Variants in DYRK1B observed in about 807,000 individuals in gnomAD.
DYRK1B encodes dual specificity tyrosine-phosphorylation-regulated kinase 1B.
Under a neutral mutation model 57.1 loss-of-function variants are expected in DYRK1B, and 20 were observed. That is an observed-to-expected ratio of 0.35 (90% CI 0.25 to 0.51). DYRK1B has a LOEUF of 0.51. DYRK1B is among the 20% of genes least tolerant of loss of function. The pLI, the probability that DYRK1B is intolerant of heterozygous loss-of-function variation, is 0.96. For synonymous variants in DYRK1B, 409 were observed against 384.7 expected, an observed-to-expected ratio of 1.06 and a Z score of -0.74; for missense variants, 732 against 886.3, an observed-to-expected ratio of 0.83 and a Z score of 2.21.
Position 39,829,847 on chromosome 19 carries a change from G to T in DYRK1B, c.520+33C>A, listed in dbSNP as rs760478092. 4 of 1,607,014 alleles carry T rather than the reference G, an allele frequency of 2.5e-6. No individual in the cohort carries two copies. The South Asian group carries it at 4.4e-5, about 18-fold the overall frequency. On this transcript the variant is annotated intron_variant, in intron 5 of 10. Coordinates refer to ENST00000323039, the MANE Select transcript of DYRK1B (RefSeq NM_004714.3). ...ACTGGCTCCAGCTCCCGCTATCCCAGGTGCCCACAGCCCTGCCAGTCCCAG... is the reference window on the plus strand; with the variant it reads ...ACTGGCTCCAGCTCCCGCTATCCCATGTGCCCACAGCCCTGCCAGTCCCAG...
chr19:39,834,006 C>G lies in DYRK1B; in HGVS notation c.-102+17G>C, dbSNP rs1968958815. The G allele has an allele frequency of 6.4e-6, 1 of 156,676 alleles. No homozygotes were observed. Among genetic ancestry groups the G allele is most frequent in the Admixed American group, 6.4e-5 (1 of 15,698 alleles). The allele number at this position is 156,676 out of a possible 1,614,324, so 9.7% of individuals were successfully genotyped here. ...CCCTGCGACCGCTTGCCGCCCCACCCGTCCCCGCGCCGTTACCTGAAGGAG... is the reference window on the plus strand; with the variant it reads ...CCCTGCGACCGCTTGCCGCCCCACCGGTCCCCGCGCCGTTACCTGAAGGAG... On this transcript the variant is annotated intron_variant, in intron 1 of 10. Coordinates refer to ENST00000323039, the MANE Select transcript of DYRK1B (RefSeq NM_004714.3).
intron 1 of DYRK1B, chr19:39,833,433 G>A (rs1599650174): frequency 1.5e-5 from 13 of 839,794 alleles, no homozygotes; most frequent in South Asian, 5.4e-5. Flanking sequence ...CAGGAGGCCC[G>A]GTGGGTGACA....
Position 39,830,793 on chromosome 19 carries a change from A to G in DYRK1B, c.64-10T>C. On this transcript the variant is annotated splice_polypyrimidine_tract_variant and intron_variant, in intron 2 of 10. Transcript: ENST00000323039. ...GCACATCAGGCAATACCTGCAGGGC[A>G]GGGTGAGGGGTGGGCACTGAGGACG... 1.2e-6 allele frequency: 2 copies of G among 1,609,266 alleles called. No individual in the cohort carries two copies. The highest frequency in any genetic ancestry group is 1.7e-6 in the Non-Finnish European group (2 of 1,177,460).
At chr19:39,829,334 C>T (rs998239763) in intron 5 of DYRK1B, among the ~76,000 whole-genome samples, 1 of 151,770 alleles carries the variant, frequency 6.6e-6, no homozygotes, top group South Asian at 2.1e-4. Flanking sequence ...TCAAGCGATT[C>T]TCCTGCCTCA....
chr19:39,830,933 A>T (rs970818062), intron 2 of DYRK1B, 150 bp from the exon 3 acceptor site: 1 of 939,178 alleles, frequency 1.1e-6, no homozygotes, highest in Non-Finnish European at 1.5e-6. Context: ...CCCAGGGCTG[A>T]GACTTTCTCT....
chr19:39,830,563 C>T lies in DYRK1B; in HGVS notation c.184G>A (p.Val62Ile). The change falls in exon 4 of 11, where the codon GTA (valine) becomes ATA (isoleucine). Residue 62 changes from valine (V) to isoleucine (I), a missense_variant and splice_region_variant. This residue lies in a region of DYRK1B where 510 missense variants were observed against 681.3 expected (regional missense o/e 0.75). Transcript: ENST00000323039. ...LIKTYKHINE[V>I]YYAKKKRRAQ... ...CGCCGCTTCTTCTTCGCATAGTATA[C>T]CTGCCCAGCCAGCCAGCCAGGAGAT... 1 of 1,614,092 alleles carries T rather than the reference C, an allele frequency of 6.2e-7. No homozygotes were observed. The highest frequency in any genetic ancestry group is 8.5e-7 in the Non-Finnish European group (1 of 1,179,998).
At position 39,826,129 on chromosome 19, in the gene DYRK1B, C is replaced by CT; in HGVS notation, c.1519-44dup. Reference sequence around the variant, plus strand: ...CCATGGGTGATGGAGACCCTGGTCTCTAAGCCCCAGGCACCACCACCCACC... The same window carrying CT: ...CCATGGGTGATGGAGACCCTGGTCTCTTAAGCCCCAGGCACCACCACCCACC... On this transcript the variant is annotated intron_variant, in intron 10 of 10. Transcript: ENST00000323039. The surrounding 1 kb of genome is among the most constrained non-coding windows in gnomAD (Gnocchi z 6.3). 1 of 1,563,186 alleles carries CT rather than the reference C, an allele frequency of 6.4e-7. No homozygotes were observed. The highest frequency in any genetic ancestry group is 1.7e-4 in the Middle Eastern group (1 of 5,756).
chr19:39,830,726 T>C lies in DYRK1B; in HGVS notation c.121A>G (p.Thr41Ala). 1 of 1,613,862 alleles carries C rather than the reference T, an allele frequency of 6.2e-7. No individual in the cohort carries two copies. The highest frequency in any genetic ancestry group is 8.5e-7 in the Non-Finnish European group (1 of 1,179,942). The change falls in exon 3 of 11, where the codon ACC becomes GCC. Residue 41 changes from threonine (T) to alanine (A), a missense_variant. By Grantham distance (58) the Thr-to-Ala change is moderately conservative (BLOSUM62 0). Transcript: ENST00000323039. ...GAGAGCTTACGCAGCGGGGCTGAGG[T>C]TGCATCCCGGAAGGCCAGGGGCAGC... The part of the protein sequence containing the change: ...RRLPLAFRDA[T>A]SAPLRKLSVD...
chr19:39,830,668 T>C lies in DYRK1B; in HGVS notation c.179A>G (p.Asn60Ser), dbSNP rs768717702. Residue 60 changes from asparagine (N) to serine (S), a missense_variant, in exon 3 of 11, where the codon AAT becomes AGT. Physicochemically the swap from Asn to Ser is conservative, Grantham distance 46. This residue lies in a region of DYRK1B where 510 missense variants were observed against 681.3 expected (regional missense o/e 0.75). Coordinates refer to ENST00000323039, the MANE Select transcript of DYRK1B (RefSeq NM_004714.3). ...VDLIKTYKHI[N>S]EVYYAKKKRR... Reference sequence around the variant, plus strand: ...GATCCCCCAGCCCCTGCCCACCTCATTGATGTGCTTGTAGGTCTTGATGAG... The same window carrying C: ...GATCCCCCAGCCCCTGCCCACCTCACTGATGTGCTTGTAGGTCTTGATGAG... 8 of 1,613,868 alleles carry C rather than the reference T, an allele frequency of 5.0e-6. No individual in the cohort carries two copies. Among genetic ancestry groups the C allele is most frequent in the East Asian group, 2.2e-5 (1 of 44,870 alleles).
intron 6 of DYRK1B, among the ~76,000 whole-genome samples, 163 bp from the exon 7 acceptor site, chr19:39,827,819 G>C (rs754803810): frequency 4.6e-5 from 7 of 152,066 alleles, no homozygotes; most frequent in Non-Finnish European, 8.8e-5. Flanking sequence ...GGAGCCACTG[G>C]TGCCATCTTG....
chr19:39,828,625 C>A lies in DYRK1B; in HGVS notation c.521-42G>T. On this transcript the variant is annotated intron_variant, in intron 5 of 10. Transcript: ENST00000323039. This position sits in a 1 kb window ranked among gnomAD's most constrained non-coding sequence, Gnocchi z 4.3. ...GAAATGGGCCAGAGAAGAAACGGCT[C>A]AGAGAGGGCAGGTGGTGGCCTGGGG... The A allele has an allele frequency of 1.3e-6, 2 of 1,572,104 alleles. No homozygotes were observed. Among genetic ancestry groups the A allele is most frequent in the South Asian group, 2.3e-5 (2 of 85,162 alleles).
Position 39,831,900 on chromosome 19 carries a change from C to G in DYRK1B, c.-33G>C. On this transcript the variant is annotated 5_prime_UTR_variant, in exon 2 of 11. Coordinates refer to ENST00000323039, the MANE Select transcript of DYRK1B (RefSeq NM_004714.3). ...TCAGAGGGCCGCAGGGGAGCGAGGCCTGGAGCGGGAGCCCGGCCGGGGGGC... is the reference window on the plus strand; with the variant it reads ...TCAGAGGGCCGCAGGGGAGCGAGGCGTGGAGCGGGAGCCCGGCCGGGGGGC... The G allele has an allele frequency of 2.1e-6, 3 of 1,451,330 alleles. No homozygotes were observed. The highest frequency in any genetic ancestry group is 2.7e-6 in the Non-Finnish European group (3 of 1,099,172). 89.9% of individuals were successfully genotyped at this position (1,451,330 alleles called of 1,614,324 possible).
At position 39,825,676 on chromosome 19, in the gene DYRK1B, GGGTAT is replaced by G; in HGVS notation, c.*34_*38del. The G allele has an allele frequency of 6.5e-7, 1 of 1,527,750 alleles. No individual in the cohort carries two copies. 94.6% of individuals were successfully genotyped at this position (1,527,750 alleles called of 1,614,324 possible). A position where few individuals can be genotyped will look rare whatever the true frequency, so the allele number is the denominator to read the frequency against. The stretch of plus-strand genomic sequence containing the variant: ...GAGCCCAGGGCCCCCAGATGGGGGA[GGGTAT>G]GGCTTCAGGAGGGGCCCCAGGGAGG... On this transcript the variant is annotated 3_prime_UTR_variant, in exon 11 of 11. Transcript: ENST00000323039.
In DYRK1B at chr19:39,825,350, T is replaced by G; in HGVS notation, c.*365A>C. On this transcript the variant is annotated 3_prime_UTR_variant, in exon 11 of 11. Transcript: ENST00000323039. ...GGCCCTGCAAACGCTCAGGCAGGCATGTGAGAAAGCTCTTTACTGGGGGTA... is the reference window on the plus strand; with the variant it reads ...GGCCCTGCAAACGCTCAGGCAGGCAGGTGAGAAAGCTCTTTACTGGGGGTA... 3.0e-5 allele frequency: 6 copies of G among 201,864 alleles called. No homozygotes were observed. Among genetic ancestry groups the G allele is most frequent in the East Asian group, 1.3e-4 (1 of 7,522 alleles). The allele number at this position is 201,864 out of a possible 1,614,324, so 12.5% of individuals were successfully genotyped here.
Position 39,828,593 on chromosome 19 carries a change from AGG to A in DYRK1B, c.521-12_521-11del, listed in dbSNP as rs972244887. ...TGCCGCTTCAGGTGTACTGCGGGGG[AGG>A]GGAGGAAATGGGCCAGAGAAGAAAC... On this transcript the variant is annotated splice_polypyrimidine_tract_variant and intron_variant, in intron 5 of 10. Transcript: ENST00000323039. This position sits in a 1 kb window ranked among gnomAD's most constrained non-coding sequence, Gnocchi z 4.3. 1.2e-6 allele frequency: 2 copies of A among 1,600,080 alleles called. No homozygotes were observed. Among genetic ancestry groups the A allele is most frequent in the African/African-American group, 2.7e-5 (2 of 74,584 alleles).
At position 39,830,690 on chromosome 19, in the gene DYRK1B, T is replaced by C. The variant is rs1215533830; in HGVS notation, c.157A>G (p.Ile53Val). 1 of 1,614,108 alleles carries C rather than the reference T, an allele frequency of 6.2e-7. No individual in the cohort carries two copies. The highest frequency in any genetic ancestry group is 1.3e-5 in the African/African-American group (1 of 75,036). The change falls in exon 3 of 11, where the codon ATC becomes GTC. Residue 53 changes from isoleucine to valine, a missense_variant. Ile to Val is a conservative substitution (Grantham distance 29). Coordinates refer to ENST00000323039, the MANE Select transcript of DYRK1B (RefSeq NM_004714.3). ...APLRKLSVDL[I>V]KTYKHINEVY... ...TCATTGATGTGCTTGTAGGTCTTGATGAGGTCCACAGAGAGCTTACGCAGC... is the reference window on the plus strand; with the variant it reads ...TCATTGATGTGCTTGTAGGTCTTGACGAGGTCCACAGAGAGCTTACGCAGC...
intron 2 of DYRK1B, among the ~76,000 whole-genome samples, chr19:39,831,240 T>C (rs1004441956): frequency 6.6e-6 from 1 of 152,180 alleles, no homozygotes; most frequent in Non-Finnish European, 1.5e-5. Flanking sequence ...CCCAAGGCTC[T>C]TGGATCTGGA....
chr19:39,832,847 T>A (rs540729631), intron 1 of DYRK1B: 2 of 933,702 alleles, frequency 2.1e-6, no homozygotes, highest in Non-Finnish European at 2.6e-6. Flanking sequence ...CAAGGCCCAC[T>A]CCTCCTGATG....
chr19:39,827,014 G>GGGGCC, intron 8 of DYRK1B, 27 bp from the exon 9 acceptor site: 17 of 419,578 alleles, frequency 4.1e-5, no homozygotes, highest in Non-Finnish European at 6.0e-5. Context: ...GGGAGGGGGG[G>GGGGCC]CAAGAGAGTG....
Sources: gnomAD v4.1 joint callset for allele counts (sites outside exome capture counted in the v4.1 genomes callset) on GRCh38, gnomAD v4.1.1 for gene constraint, gnomAD v4.1.1 regional missense constraint, Gnocchi (gnomAD v3.1) non-coding constraint, MANE v1.5 for transcripts, NCBI Gene and HGNC (gene_info 2026-07-23, HGNC 2026-07-21) for gene names.